The following GPN3 variants were observed in gnomAD, a reference collection of about 807,000 sequenced individuals.
GPN3 encodes the protein ATP-binding domain 1 family member C.
GPN3 carries 31 observed loss-of-function variants against 38.7 expected under a neutral mutation model. The observed-to-expected ratio is 0.80, with a 90% CI of 0.60 to 1.08. The LOEUF is 1.08. Among genes scored for constraint, GPN3 ranks in the 50% least tolerant of loss-of-function variants. The pLI is 0.00. For synonymous variants in GPN3, 116 were observed against 120.2 expected (o/e 0.96, Z 0.23); for missense variants, 301 against 354.4 (o/e 0.85, Z 1.21).
At chr12:110,461,197 A>T (rs2062586126) in intron 2 of GPN3, 1 of 1,291,118 alleles carries the variant, frequency 7.7e-7, no homozygotes, top group African/African-American at 1.5e-5. Context: ...GGCTCAACAA[A>T]GCTGTCTGGG....
intron 1 of GPN3, among the ~76,000 whole-genome samples, chr12:110,466,897 C>A (rs548249530): frequency 6.6e-6 from 1 of 151,884 alleles, no homozygotes; most frequent in African/African-American, 2.4e-5. Flanking sequence ...GTTACATGTA[C>A]ATGTTTTTAC....
At chr12:110,456,025 C>A in intron 4 of GPN3, 95 bp from the exon 5 acceptor site, 1 of 705,442 alleles carries the variant, frequency 1.4e-6, no homozygotes, top group Non-Finnish European at 2.5e-6. Flanking sequence ...TGGAACAGAA[C>A]TGGCCTAAAT....
chr12:110,460,848 T>C (rs2062582190), intron 2 of GPN3: 6 of 606,802 alleles, frequency 9.9e-6, no homozygotes, highest in South Asian at 7.6e-5. Flanking sequence ...CCTGTAGTTC[T>C]AGCCACTCCG....
At chr12:110,464,776 G>A (rs2062615105) in intron 2 of GPN3, 1 of 252,432 alleles carries the variant, frequency 4.0e-6, no homozygotes, top group South Asian at 5.1e-5. Flanking sequence ...TGTGTTTTTA[G>A]TAGAGACAGG....
At position 110,458,275 on chromosome 12, in the gene GPN3, C is replaced by G. The variant is rs1040628570; in HGVS notation, c.326-641G>C. 6.6e-6 allele frequency among the ~76,000 whole-genome samples: 1 copy of G among 151,956 alleles called. No homozygotes were observed. The highest frequency in any genetic ancestry group is 1.9e-4 in the East Asian group (1 of 5,194). ...GTGGGAGGATAGCTTGAGCCCAGGACTTTGAGAGCAGCCTGAGCAATATAG... is the reference window on the plus strand; with the variant it reads ...GTGGGAGGATAGCTTGAGCCCAGGAGTTTGAGAGCAGCCTGAGCAATATAG... On this transcript the variant is annotated intron_variant, in intron 3 of 7. Coordinates refer to ENST00000228827, the MANE Select transcript of GPN3 (RefSeq NM_016301.4). The surrounding 1 kb of genome is among the most constrained non-coding windows in gnomAD (Gnocchi z 4.4).
intron 6 of GPN3, among the ~76,000 whole-genome samples, chr12:110,454,595 A>G (rs1257620765): frequency 6.6e-6 from 1 of 151,746 alleles, no homozygotes; most frequent in African/African-American, 2.4e-5. Flanking sequence ...CAAGTGATCC[A>G]CCTGCCTTGG....
chr12:110,466,735 A>C (rs1431920937), intron 1 of GPN3, among the ~76,000 whole-genome samples: 1 of 152,100 alleles, frequency 6.6e-6, no homozygotes, highest in East Asian at 1.9e-4. Flanking sequence ...GGCTCAAGTG[A>C]TCTGCTGGCC....
At chr12:110,467,303 A>T (rs774373482) in intron 1 of GPN3, among the ~76,000 whole-genome samples, 7 of 152,138 alleles carry the variant, frequency 4.6e-5, no homozygotes, top group Non-Finnish European at 1.0e-4. Flanking sequence ...TTTCCCACAC[A>T]TATGTTATTT....
intron 2 of GPN3, 113 bp downstream of exon 2, chr12:110,464,993 A>G (rs1372969650): frequency 8.5e-6 from 6 of 708,192 alleles, no homozygotes; most frequent in Non-Finnish European, 1.3e-5. Context: ...GCTATTTACC[A>G]TAACACCAGG....
rs770489619 is a variant in GPN3 at position 110,453,878 on chromosome 12, G to A, written c.664-7C>T. On this transcript the variant is annotated splice_region_variant and splice_polypyrimidine_tract_variant and intron_variant, in intron 6 of 7. Transcript: ENST00000228827. Reference sequence around the variant, plus strand: ...CCATGCTGTAGTCATCAATCTACAAGTTGTGGATTTCAAGAAAAGTTCATT... The same window carrying A: ...CCATGCTGTAGTCATCAATCTACAAATTGTGGATTTCAAGAAAAGTTCATT... 3 of 1,591,718 alleles carry A rather than the reference G, an allele frequency of 1.9e-6. No homozygotes were observed. In the Admixed American group the frequency reaches 5.3e-5, roughly 28 times the overall value.
upstream of GPN3, chr12:110,468,400 G>A: frequency 6.5e-7 from 1 of 1,529,322 alleles, no homozygotes; most frequent in Non-Finnish European, 8.8e-7. Flanking sequence ...GAGGGGCGAG[G>A]GAGAGGATTT....
upstream of GPN3, chr12:110,468,279 C>G (rs146107392): frequency 6.5e-4 from 1,031 of 1,598,416 alleles, 4 homozygotes; most frequent in African/African-American, 0.012. Context: ...AAGTGAAGTG[C>G]GAACCAATCG....
intron 3 of GPN3, 60 bp from the exon 4 acceptor site, chr12:110,457,694 G>A: frequency 1.5e-6 from 2 of 1,362,270 alleles, no homozygotes; most frequent in South Asian, 1.5e-5. Context: ...CATCAAGTTA[G>A]AGGAAACAAA....
At position 110,459,798 on chromosome 12, in the gene GPN3, G is replaced by A. The variant is rs761298371; in HGVS notation, c.222C>T (p.Asn74=). 130 of 1,613,202 alleles carry A rather than the reference G, an allele frequency of 8.1e-5. No homozygotes were observed. The highest frequency in any genetic ancestry group is 3.5e-4 in the South Asian group (32 of 91,074). Reference sequence around the variant, plus strand: ...ACTCCATGCAAAATACCAATCCTCCGTTGGGACCGAATCGCAGAGAATCAT... The same window carrying A: ...ACTCCATGCAAAATACCAATCCTCCATTGGGACCGAATCGCAGAGAATCAT... The part of the protein sequence containing the change: ...MEDDSLRFGP[N]GGLVFCMEYF... The change falls in exon 3 of 8, where the codon AAC becomes AAT. Residue 74 remains asparagine, a synonymous_variant. Transcript: ENST00000228827.
intron 2 of GPN3, among the ~76,000 whole-genome samples, chr12:110,461,980 T>C (rs1292600449): frequency 6.6e-6 from 1 of 152,128 alleles, no homozygotes; most frequent in Non-Finnish European, 1.5e-5. Flanking sequence ...TGGCTGGGAA[T>C]AAAGGCACCC....
At chr12:110,455,476 C>A (rs916855961) in intron 6 of GPN3, 110 bp downstream of exon 6, 1 of 663,470 alleles carries the variant, frequency 1.5e-6, no homozygotes, top group Non-Finnish European at 2.7e-6. Context: ...GTTGCCCAGG[C>A]TGGTCTTGAA....
intron 3 of GPN3, among the ~76,000 whole-genome samples, chr12:110,459,240 G>C (rs1474059961): frequency 7.0e-6 from 1 of 142,394 alleles, no homozygotes; most frequent in Non-Finnish European, 1.5e-5. Context: ...ACTTTTTTTT[G>C]TTTTTTTTTT....
chr12:110,465,164 AGACCG>A lies in GPN3; in HGVS notation c.94_98del (p.Arg32CysfsTer20), dbSNP rs2062618453. ...CTGGATCCAGGTTTACAACTTGGAC[AGACCG>A]GTTGAGGGCTTCACAGTGCTGGACC... On this transcript the variant is annotated frameshift_variant, in exon 2 of 8. Transcript: ENST00000228827. LOFTEE classifies it high-confidence loss of function. The A allele has an allele frequency of 6.2e-7, 1 of 1,612,190 alleles. No homozygotes were observed. The highest frequency in any genetic ancestry group is 1.3e-5 in the African/African-American group (1 of 74,896).
At chr12:110,465,713 A>G (rs1356586062) in intron 1 of GPN3, among the ~76,000 whole-genome samples, 1 of 152,150 alleles carries the variant, frequency 6.6e-6, no homozygotes, top group Non-Finnish European at 1.5e-5. Context: ...AATAGTCTGG[A>G]GGTGGCTATC....
Sources: gnomAD v4.1 joint callset for allele counts (sites outside exome capture counted in the v4.1 genomes callset) on GRCh38, gnomAD v4.1.1 for gene constraint, Gnocchi (gnomAD v3.1) non-coding constraint, MANE v1.5 for transcripts, NCBI Gene and HGNC (gene_info 2026-07-23, HGNC 2026-07-21) for gene names.